DNAAF11: variants seen among roughly 807,000 people sequenced by gnomAD.
DNAAF11 encodes leucine rich repeat containing 6.
DNAAF11 carries 45 observed loss-of-function variants against 60.8 expected under a neutral mutation model. The ratio of observed to expected loss-of-function variants is 0.74; its 90% confidence interval spans 0.58 to 0.95. The LOEUF is 0.95. DNAAF11 is among the 40% of genes least tolerant of loss of function. DNAAF11 has a pLI of 0.00. For synonymous variants in DNAAF11, 191 were observed against 183.5 expected (o/e 1.04, Z -0.33); for missense variants, 546 against 546.2 (o/e 1.00, Z 0.00).
At chr8:132,599,014 G>A (rs980359406) in intron 10 of DNAAF11, among the ~76,000 whole-genome samples, 1 of 152,008 alleles carries the variant, frequency 6.6e-6, no homozygotes, top group South Asian at 2.1e-4. Flanking sequence ...CAACAACATT[G>A]ATAGACCGCT....
chr8:132,689,777 G>A, the DNAAF11 span, among the ~76,000 whole-genome samples: 1 of 152,046 alleles, frequency 6.6e-6, no homozygotes, highest in Admixed American at 6.6e-5. Context: ...AGGCTGAAGT[G>A]CAGTGGCACA....
At chr8:132,623,126 C>T (rs1819922288) in intron 6 of DNAAF11, among the ~76,000 whole-genome samples, 1 of 152,080 alleles carries the variant, frequency 6.6e-6, no homozygotes, top group South Asian at 2.1e-4. Flanking sequence ...AATAAAAATA[C>T]CAGCACAGAA....
intron 7 of DNAAF11, 115 bp downstream of exon 7, chr8:132,622,496 G>C (rs937202455): frequency 5.5e-6 from 4 of 722,384 alleles, no homozygotes; most frequent in Non-Finnish European, 9.5e-6. Flanking sequence ...CATCAAACTT[G>C]TTAAGAGCAG....
chr8:132,625,236 G>C, intron 6 of DNAAF11, 36 bp downstream of exon 6: 1 of 1,469,162 alleles, frequency 6.8e-7, no homozygotes, highest in Non-Finnish European at 9.2e-7. Flanking sequence ...TTGATAAGTG[G>C]CTACTGCTTC....
chr8:132,581,512 T>C (rs1411320983), intron 11 of DNAAF11, among the ~76,000 whole-genome samples: 1 of 151,780 alleles, frequency 6.6e-6, no homozygotes, highest in Non-Finnish European at 1.5e-5. Context: ...TAACCAGGCA[T>C]GGTGGCAGGC....
chr8:132,666,939 A>G (rs968397529), intron 1 of DNAAF11, among the ~76,000 whole-genome samples: 2 of 152,176 alleles, frequency 1.3e-5, no homozygotes, highest in African/African-American at 2.4e-5. Flanking sequence ...ATTATTCAAG[A>G]GAATGGGGCA....
chr8:132,653,787 T>A (rs575102812), intron 3 of DNAAF11, among the ~76,000 whole-genome samples: 10 of 152,026 alleles, frequency 6.6e-5, no homozygotes, highest in African/African-American at 2.4e-4. Flanking sequence ...AGTAAAAGAA[T>A]AAGGGAATTA....
chr8:132,695,837 G>C, the DNAAF11 span, among the ~76,000 whole-genome samples: 1 of 152,150 alleles, frequency 6.6e-6, no homozygotes, highest in South Asian at 2.1e-4. Context: ...AACCCGGAAA[G>C]TACAATGAAT....
intron 2 of DNAAF11, among the ~76,000 whole-genome samples, chr8:132,660,256 T>C (rs1824001451): frequency 6.6e-6 from 1 of 152,200 alleles, no homozygotes; most frequent in African/African-American, 2.4e-5. Flanking sequence ...CTTTAAGTTT[T>C]AGGGTACATG....
intron 7 of DNAAF11, among the ~76,000 whole-genome samples, chr8:132,622,306 T>C (rs1313087486): frequency 6.6e-6 from 1 of 152,196 alleles, no homozygotes; most frequent in Non-Finnish European, 1.5e-5. Flanking sequence ...AATACAACAA[T>C]AATGTGATGG....
upstream of DNAAF11, among the ~76,000 whole-genome samples, chr8:132,679,572 G>C (rs1444781797): frequency 6.6e-6 from 1 of 152,154 alleles, no homozygotes; most frequent in Non-Finnish European, 1.5e-5. Flanking sequence ...CTGACACTCT[G>C]GTGGAGCAGT....
intron 10 of DNAAF11, among the ~76,000 whole-genome samples, chr8:132,585,616 G>A (rs1308405472): frequency 6.6e-6 from 1 of 152,164 alleles, no homozygotes; most frequent in East Asian, 1.9e-4. Flanking sequence ...TTTCAAAAGC[G>A]ATGCAGTCTG....
chr8:132,626,164 G>A (rs897266871), intron 5 of DNAAF11, among the ~76,000 whole-genome samples: 1 of 151,792 alleles, frequency 6.6e-6, no homozygotes, highest in African/African-American at 2.4e-5. Context: ...CCATTCTCCT[G>A]CCTCAGCCTC....
intron 10 of DNAAF11, chr8:132,608,680 T>C: frequency 4.0e-6 from 1 of 247,454 alleles, no homozygotes; most frequent in Non-Finnish European, 8.4e-6. Flanking sequence ...CTAATCATAG[T>C]GTTACACAAA....
intron 7 of DNAAF11, among the ~76,000 whole-genome samples, chr8:132,618,883 A>C (rs988547517): frequency 0.014 from 2,187 of 152,152 alleles, 62 homozygotes; most frequent in African/African-American, 0.05. Flanking sequence ...TGTGGAAGTC[A>C]GTGTGGCGAT....
At chr8:132,600,803 C>T (rs559796826) in intron 10 of DNAAF11, among the ~76,000 whole-genome samples, 1 of 152,280 alleles carries the variant, frequency 6.6e-6, no homozygotes, top group Admixed American at 6.5e-5. Flanking sequence ...AATGTTAGAC[C>T]TAAAACCATA....
intron 5 of DNAAF11, among the ~76,000 whole-genome samples, chr8:132,630,337 A>G (rs1238986637): frequency 6.6e-6 from 1 of 152,212 alleles, no homozygotes; most frequent in African/African-American, 2.4e-5. Context: ...GGATATAGTA[A>G]GGGTAGCATT....
At chr8:132,700,438 C>T in the DNAAF11 span, among the ~76,000 whole-genome samples, 4 of 150,984 alleles carry the variant, frequency 2.6e-5, no homozygotes, top group Middle Eastern at 3.5e-3. Context: ...GTAATCCCAA[C>T]GTTTTGGGAG....
chr8:132,661,697 C>T (rs150202404), intron 1 of DNAAF11, 70 bp from the exon 2 acceptor site: 101 of 1,502,916 alleles, frequency 6.7e-5, no homozygotes, highest in Middle Eastern at 1.7e-4. Context: ...GTGTTGTTAA[C>T]GCATTTGTGT....
Sources: allele counts gnomAD v4.1 joint callset (sites outside exome capture counted in the v4.1 genomes callset), GRCh38; gene constraint gnomAD v4.1.1; transcripts MANE v1.5; gene names NCBI Gene and HGNC (gene_info 2026-07-23, HGNC 2026-07-21).